The following GPR176 variants were observed in gnomAD, a reference collection of about 807,000 sequenced individuals.
GPR176 encodes the protein G-protein coupled receptor 176.
In GPR176, 26 loss-of-function variants were observed where a neutral mutation model predicts 35.4. That is an observed-to-expected ratio of 0.74 (90% CI 0.54 to 1.02). The LOEUF is 1.02. Among genes scored for constraint, GPR176 ranks in the 50% least tolerant of loss-of-function variants. GPR176 has a pLI of 0.00. For missense variants in GPR176, 597 were observed against 665.3 expected (o/e 0.90, Z 1.13); for synonymous variants, 278 against 271.3 (o/e 1.02, Z -0.24).
chr15:39,913,552 A>G (rs549052622), intron 1 of GPR176, among the ~76,000 whole-genome samples: 2 of 152,142 alleles, frequency 1.3e-5, no homozygotes, highest in Non-Finnish European at 2.9e-5. Context: ...CTCAAAAAAA[A>G]AAAAGAAAAA....
At chr15:39,821,908 A>G (rs533357612) in intron 1 of GPR176, among the ~76,000 whole-genome samples, 2 of 152,364 alleles carry the variant, frequency 1.3e-5, no homozygotes, top group East Asian at 1.9e-4. Flanking sequence ...AATGAAGTCG[A>G]TATGTGTAAA....
At chr15:39,836,530 T>A (rs1901410339) in intron 1 of GPR176, among the ~76,000 whole-genome samples, 1 of 152,150 alleles carries the variant, frequency 6.6e-6, no homozygotes, top group Admixed American at 6.5e-5. Flanking sequence ...ATGAGCCAAA[T>A]AATCTCTTTT....
chr15:39,807,636 A>C (rs1414462551), intron 1 of GPR176: 1 of 855,146 alleles, frequency 1.2e-6, no homozygotes, highest in Non-Finnish European at 1.9e-6. Flanking sequence ...CTGCAACAGA[A>C]ATACAGTGCA....
In GPR176 at chr15:39,823,867, G is replaced by A. The variant is rs569713033; in HGVS notation, c.173-16609C>T. Among the ~76,000 whole-genome samples the A allele has an allele frequency of 9.8e-5, 15 of 152,296 alleles. No individual in the cohort carries two copies. The South Asian group carries it at 2.9e-3, about 30-fold the overall frequency. The stretch of plus-strand genomic sequence containing the variant: ...ATCCTACGGACAAGGGAGAGTAGCA[G>A]CCCCATGGGCCTTCACTTGAATCCC... On this transcript the variant is annotated intron_variant, in intron 1 of 2. Transcript: ENST00000561100.
intron 1 of GPR176, among the ~76,000 whole-genome samples, chr15:39,889,595 A>C (rs1263254826): frequency 6.6e-6 from 1 of 151,084 alleles, no homozygotes; most frequent in Admixed American, 6.6e-5. Flanking sequence ...AAATAAAATA[A>C]AATAAAATAA....
At chr15:39,855,975 G>A (rs996255762) in intron 1 of GPR176, among the ~76,000 whole-genome samples, 15 of 152,118 alleles carry the variant, frequency 9.9e-5, no homozygotes, top group Non-Finnish European at 1.5e-4. Flanking sequence ...ATTATTCATT[G>A]CATTTTAAGA....
intron 1 of GPR176, among the ~76,000 whole-genome samples, chr15:39,871,471 T>G (rs1044645345): frequency 2.0e-5 from 3 of 152,196 alleles, no homozygotes; most frequent in Non-Finnish European, 4.4e-5. Context: ...TAGGAGTATG[T>G]TTCATTGCAA....
intron 2 of GPR176, among the ~76,000 whole-genome samples, chr15:39,803,882 G>A (rs909797122): frequency 6.6e-5 from 10 of 152,204 alleles, no homozygotes; most frequent in Non-Finnish European, 1.5e-4. Context: ...ACACAATAGC[G>A]ACCATGGACA....
At chr15:39,843,828 A>G (rs1401246162) in intron 1 of GPR176, among the ~76,000 whole-genome samples, 3 of 152,150 alleles carry the variant, frequency 2.0e-5, no homozygotes, top group Non-Finnish European at 4.4e-5. Flanking sequence ...AACAAGTGCT[A>G]TCTTCTTTTC....
At chr15:39,889,011 C>T (rs568625928) in intron 1 of GPR176, among the ~76,000 whole-genome samples, 6 of 152,308 alleles carry the variant, frequency 3.9e-5, no homozygotes, top group South Asian at 4.1e-4. Flanking sequence ...CCAGAGATTA[C>T]GTTAGAACCT....
chr15:39,830,740 T>C (rs889348539), intron 1 of GPR176, among the ~76,000 whole-genome samples: 1 of 152,246 alleles, frequency 6.6e-6, no homozygotes, highest in Non-Finnish European at 1.5e-5. Flanking sequence ...TAATGCTCTA[T>C]TTTCTTAATT....
chr15:39,893,632 C>T (rs1360503287), intron 1 of GPR176, among the ~76,000 whole-genome samples: 1 of 152,118 alleles, frequency 6.6e-6, no homozygotes, highest in Non-Finnish European at 1.5e-5. Context: ...ACCTCCCAGA[C>T]GGGGTGGTGG....
chr15:39,843,690 A>G (rs2030196695), intron 1 of GPR176, among the ~76,000 whole-genome samples: 1 of 152,170 alleles, frequency 6.6e-6, no homozygotes, highest in Non-Finnish European at 1.5e-5. Flanking sequence ...CTCTCTCTAG[A>G]ATAGATATTA....
At chr15:39,839,491 A>T (rs1363915911) in intron 1 of GPR176, among the ~76,000 whole-genome samples, 1 of 152,244 alleles carries the variant, frequency 6.6e-6, no homozygotes, top group South Asian at 2.1e-4. Flanking sequence ...GATGGATTAA[A>T]GGCTTAAATG....
At chr15:39,891,618 T>C (rs547058623) in intron 1 of GPR176, among the ~76,000 whole-genome samples, 2 of 152,304 alleles carry the variant, frequency 1.3e-5, no homozygotes, top group South Asian at 4.2e-4. Context: ...ATTACAAGCA[T>C]GTGCCACCAT....
chr15:39,893,369 A>G (rs2032947117), intron 1 of GPR176, among the ~76,000 whole-genome samples: 1 of 152,040 alleles, frequency 6.6e-6, no homozygotes, highest in African/African-American at 2.4e-5. Flanking sequence ...CCCTTAATCC[A>G]TTTAACCCTG....
At chr15:39,826,271 G>T (rs2140819571) in intron 1 of GPR176, among the ~76,000 whole-genome samples, 1 of 152,208 alleles carries the variant, frequency 6.6e-6, no homozygotes, top group Middle Eastern at 3.4e-3. Flanking sequence ...AGCAGATGAG[G>T]GAATTGACAG....
chr15:39,868,854 A>G (rs1266332746), intron 1 of GPR176, among the ~76,000 whole-genome samples: 1 of 152,134 alleles, frequency 6.6e-6, no homozygotes, highest in Non-Finnish European at 1.5e-5. Flanking sequence ...CTCTGCAGAT[A>G]CCTGAAATTC....
At chr15:39,875,490 T>A (rs532298872) in intron 1 of GPR176, among the ~76,000 whole-genome samples, 15 of 152,302 alleles carry the variant, frequency 9.8e-5, no homozygotes, top group African/African-American at 3.4e-4. Context: ...CTGCATATGT[T>A]CTCACATACA....
Sources: gnomAD v4.1 joint callset for allele counts (sites outside exome capture counted in the v4.1 genomes callset) on GRCh38, gnomAD v4.1.1 for gene constraint, MANE v1.5 for transcripts, NCBI Gene and HGNC (gene_info 2026-07-23, HGNC 2026-07-21) for gene names.